Variants in RSRC1 observed in about 807,000 individuals in gnomAD.
RSRC1 encodes the protein serine/Arginine-related protein 53.
Under a neutral mutation model 49.1 loss-of-function variants are expected in RSRC1, and 39 were observed. The ratio of observed to expected loss-of-function variants is 0.79; its 90% CI spans 0.61 to 1.04. RSRC1 has a LOEUF of 1.04. Among genes scored for constraint, RSRC1 ranks in the 50% least tolerant of loss-of-function variants. RSRC1 has a pLI of 0.00. For missense variants in RSRC1, 388 were observed against 402.4 expected, an observed-to-expected ratio of 0.96 and a Z score of 0.31; for synonymous variants, 143 against 130.8, an observed-to-expected ratio of 1.09 and a Z score of -0.63.
At chr3:158,500,697 G>T (rs1047355551) in intron 7 of RSRC1, among the ~76,000 whole-genome samples, 1 of 151,958 alleles carries the variant, frequency 6.6e-6, no homozygotes, top group Non-Finnish European at 1.5e-5. Context: ...TCATTCACTG[G>T]TGTGAGTTTA....
intron 3 of RSRC1, among the ~76,000 whole-genome samples, chr3:158,173,564 A>G (rs1021397209): frequency 1.3e-5 from 2 of 151,976 alleles, no homozygotes; most frequent in Non-Finnish European, 2.9e-5. Context: ...CAAGAAAGTC[A>G]AACAAAAATT....
intron 5 of RSRC1, among the ~76,000 whole-genome samples, chr3:158,329,948 C>T (rs1244088767): frequency 6.6e-6 from 1 of 152,218 alleles, no homozygotes; most frequent in Non-Finnish European, 1.5e-5. Context: ...CACCCCTCCA[C>T]CAGCCTCGCT....
chr3:158,155,660 C>T (rs532292643), intron 3 of RSRC1, among the ~76,000 whole-genome samples: 4 of 145,760 alleles, frequency 2.7e-5, no homozygotes, highest in African/African-American at 1.0e-4. Context: ...CCAAGCTGAT[C>T]TCAAACTACT....
intron 6 of RSRC1, among the ~76,000 whole-genome samples, chr3:158,379,814 G>GCGCACACACACA (rs1553796317): frequency 2.0e-5 from 3 of 146,928 alleles, no homozygotes; most frequent in Non-Finnish European, 4.5e-5. Context: ...ACACGCGCAT[G>GCGCACACACACA]CACACACACA....
intron 4 of RSRC1, among the ~76,000 whole-genome samples, chr3:158,223,950 T>C (rs1280469462): frequency 6.6e-6 from 1 of 151,748 alleles, no homozygotes; most frequent in Non-Finnish European, 1.5e-5. Flanking sequence ...GAACACTGAT[T>C]GTAAATTAGC....
intron 6 of RSRC1, among the ~76,000 whole-genome samples, chr3:158,416,437 C>G (rs1257808327): frequency 2.6e-5 from 4 of 152,026 alleles, no homozygotes; most frequent in Non-Finnish European, 4.4e-5. Context: ...TCTTGGGCCA[C>G]TTGCTCCTGG....
At chr3:158,375,700 A>G (rs1320583520) in intron 6 of RSRC1, among the ~76,000 whole-genome samples, 3 of 152,124 alleles carry the variant, frequency 2.0e-5, no homozygotes, top group African/African-American at 7.2e-5. Context: ...TTTTTTTATA[A>G]TGTGGATTTG....
chr3:158,189,336 A>T (rs570089575), intron 3 of RSRC1, among the ~76,000 whole-genome samples: 1 of 152,056 alleles, frequency 6.6e-6, no homozygotes, highest in South Asian at 2.1e-4. Context: ...CATGTGTTCA[A>T]ATCTTCTGTG....
At chr3:158,525,744 A>G (rs576994592) in intron 7 of RSRC1, among the ~76,000 whole-genome samples, 1 of 152,130 alleles carries the variant, frequency 6.6e-6, no homozygotes, top group South Asian at 2.1e-4. Flanking sequence ...GTACCCAACA[A>G]CATGGATTTA....
At chr3:158,252,615 G>A (rs1476692433) in intron 4 of RSRC1, among the ~76,000 whole-genome samples, 1 of 152,180 alleles carries the variant, frequency 6.6e-6, no homozygotes, top group African/African-American at 2.4e-5. Context: ...AATGGGTTTG[G>A]AAGTATTCCT....
intron 3 of RSRC1, among the ~76,000 whole-genome samples, chr3:158,166,552 ATTAT>A (rs755966731): frequency 2.0e-5 from 3 of 152,348 alleles, no homozygotes; most frequent in African/African-American, 4.8e-5. Flanking sequence ...TAAGGTTAAA[ATTAT>A]TTATGCAGAA....
At position 158,175,195 on chromosome 3, in the gene RSRC1, AG is replaced by A. The variant is rs200715177; in HGVS notation, c.321-27874del. Among the ~76,000 whole-genome samples, 1,361 of 151,972 alleles carry A rather than the reference AG, an allele frequency of 9.0e-3. 20 individuals carry two copies. Among genetic ancestry groups the A allele is most frequent in the South Asian group, 0.048 (230 of 4,810 alleles). On this transcript the variant is annotated intron_variant, in intron 3 of 9. Coordinates refer to ENST00000611884, the MANE Select transcript of RSRC1 (RefSeq NM_001271838.2). ...ACTTAATGATTTGTGGCAGTTTTTA[AG>A]GGTTTTTTTTCATATATTCTGGTTA... is the stretch of plus-strand genomic sequence containing the variant.
chr3:158,332,229 C>A (rs1473658343), intron 5 of RSRC1, among the ~76,000 whole-genome samples: 2 of 152,104 alleles, frequency 1.3e-5, no homozygotes, highest in Non-Finnish European at 2.9e-5. Context: ...TCATAACTAA[C>A]AACACCCATA....
At chr3:158,149,361 CTA>C (rs1490942868) in intron 3 of RSRC1, among the ~76,000 whole-genome samples, 3 of 152,066 alleles carry the variant, frequency 2.0e-5, no homozygotes, top group African/African-American at 7.2e-5. Flanking sequence ...ATGGGATGAG[CTA>C]TATCAAGGGT....
rs1264150291 is a variant in RSRC1 at position 158,450,208 on chromosome 3, G to A, written c.584-10727G>A. Among the ~76,000 whole-genome samples, 4 of 151,940 alleles carry A rather than the reference G, an allele frequency of 2.6e-5. No individual in the cohort carries two copies. In the South Asian group the frequency reaches 8.3e-4, roughly 31 times the overall value. ...TTCTAGGTTATCTGTTTTATGCTTT[G>A]TAAATCTGTTTTGAGTGGACAAATG... is the stretch of plus-strand genomic sequence containing the variant. On this transcript the variant is annotated intron_variant, in intron 6 of 9. Transcript: ENST00000611884.
chr3:158,285,404 A>G (rs1030616119), intron 4 of RSRC1, among the ~76,000 whole-genome samples: 2 of 152,186 alleles, frequency 1.3e-5, no homozygotes, highest in Non-Finnish European at 1.5e-5. Context: ...TATGAACTTT[A>G]AAGTAGTTTT....
intron 3 of RSRC1, among the ~76,000 whole-genome samples, chr3:158,150,327 A>G (rs1717443048): frequency 1.3e-5 from 2 of 152,196 alleles, no homozygotes; most frequent in African/African-American, 4.8e-5. Context: ...CTTTGTCCCC[A>G]TAGCATAAAA....
chr3:158,260,892 C>T (rs986407632), intron 4 of RSRC1, among the ~76,000 whole-genome samples: 3 of 152,170 alleles, frequency 2.0e-5, no homozygotes, highest in Non-Finnish European at 2.9e-5. Flanking sequence ...TTTCCCTCCC[C>T]CAAGTGCACA....
intron 1 of RSRC1, among the ~76,000 whole-genome samples, chr3:158,115,494 A>G (rs527276795): frequency 2.0e-5 from 3 of 152,294 alleles, no homozygotes; most frequent in East Asian, 1.9e-4. Flanking sequence ...GAGGACTCCA[A>G]TAACATTTAT....
Sources: gnomAD v4.1 joint callset for allele counts (sites outside exome capture counted in the v4.1 genomes callset) on GRCh38, gnomAD v4.1.1 for gene constraint, MANE v1.5 for transcripts, NCBI Gene and HGNC (gene_info 2026-07-23, HGNC 2026-07-21) for gene names.